DNAJC3: variants seen among roughly 807,000 people sequenced by gnomAD.
DNAJC3 encodes the protein DnaJ heat shock protein family (Hsp40) member C3.
Under a neutral mutation model 68.6 loss-of-function variants are expected in DNAJC3, and 38 were observed. The ratio of observed to expected loss-of-function variants is 0.55; its 90% CI spans 0.43 to 0.73. The LOEUF is 0.73. Ranked by LOEUF, DNAJC3 falls within the 30% of genes least tolerant of loss-of-function variation. The pLI is 0.00. For synonymous variants in DNAJC3, 203 were observed against 204.0 expected, an observed-to-expected ratio of 1.00 and a Z score of 0.04; for missense variants, 526 against 591.9, an observed-to-expected ratio of 0.89 and a Z score of 1.16.
At chr13:95,741,085 GGA>G (rs1174422389) in intron 4 of DNAJC3, among the ~76,000 whole-genome samples, 2 of 152,028 alleles carry the variant, frequency 1.3e-5, no homozygotes, top group Non-Finnish European at 2.9e-5. Context: ...ATCTGTTGCT[GGA>G]GAGTTATTGT....
At chr13:95,789,238 A>G (rs1372886318) in intron 11 of DNAJC3, among the ~76,000 whole-genome samples, 1 of 152,074 alleles carries the variant, frequency 6.6e-6, no homozygotes, top group African/African-American at 2.4e-5. Context: ...TTTGTTGTAC[A>G]GATTATTTCA....
chr13:95,712,134 C>G (rs1478269312), intron 2 of DNAJC3, among the ~76,000 whole-genome samples: 4 of 152,046 alleles, frequency 2.6e-5, no homozygotes, highest in Non-Finnish European at 5.9e-5. Flanking sequence ...TTCAAAGGTG[C>G]AGAAGAAATA....
intron 9 of DNAJC3, among the ~76,000 whole-genome samples, chr13:95,782,747 C>T (rs1206549259): frequency 6.6e-6 from 1 of 152,104 alleles, no homozygotes; most frequent in Non-Finnish European, 1.5e-5. Context: ...TTCATGGCAA[C>T]AAAATTCTCC....
chr13:95,721,278 A>G (rs1445420601), intron 2 of DNAJC3, among the ~76,000 whole-genome samples: 1 of 152,176 alleles, frequency 6.6e-6, no homozygotes, highest in Non-Finnish European at 1.5e-5. Flanking sequence ...TGCTGTATGT[A>G]TGGTATATCC....
At chr13:95,691,939 C>T (rs1309089246) in intron 1 of DNAJC3, among the ~76,000 whole-genome samples, 3 of 152,222 alleles carry the variant, frequency 2.0e-5, no homozygotes, top group Admixed American at 6.5e-5. Flanking sequence ...CCTGCAATCG[C>T]AGGCACTGGG....
intron 1 of DNAJC3, among the ~76,000 whole-genome samples, chr13:95,682,968 A>G (rs2139596736): frequency 6.6e-6 from 1 of 152,354 alleles, no homozygotes; most frequent in South Asian, 2.1e-4. Context: ...CAAAGAAGAA[A>G]AGACAGCTCC....
At chr13:95,734,661 AT>A (rs1401652406) in intron 4 of DNAJC3, among the ~76,000 whole-genome samples, 1 of 151,970 alleles carries the variant, frequency 6.6e-6, no homozygotes, top group Non-Finnish European at 1.5e-5. Flanking sequence ...AAATTCAAAT[AT>A]TTGGTTACTT....
At chr13:95,779,659 T>A (rs1437752950) in intron 9 of DNAJC3, among the ~76,000 whole-genome samples, 1 of 152,198 alleles carries the variant, frequency 6.6e-6, no homozygotes, top group Non-Finnish European at 1.5e-5. Context: ...TGAGTCCTGA[T>A]TGCTCACATT....
intron 4 of DNAJC3, among the ~76,000 whole-genome samples, chr13:95,746,870 C>T (rs539831846): frequency 5.9e-5 from 9 of 152,256 alleles, no homozygotes; most frequent in African/African-American, 2.2e-4. Context: ...ATACTGATTA[C>T]TCAGCTGGGG....
rs1468804653 is a variant in DNAJC3, at chr13:95,751,061, C to T, written c.394-6583C>T. 2.6e-5 allele frequency among the ~76,000 whole-genome samples: 4 copies of T among 152,176 alleles called. No individual in the cohort carries two copies. The East Asian group carries it at 7.8e-4, about 30-fold the overall frequency. On this transcript the variant is annotated intron_variant, in intron 4 of 11. Coordinates refer to ENST00000602402, the MANE Select transcript of DNAJC3 (RefSeq NM_006260.5). ...ACCAACCTAGGCAACATAGTGAGGCCATGTCTCTACAGAAAATAAAATAAT... is the reference window on the plus strand; with the variant it reads ...ACCAACCTAGGCAACATAGTGAGGCTATGTCTCTACAGAAAATAAAATAAT...
intron 9 of DNAJC3, among the ~76,000 whole-genome samples, chr13:95,764,367 C>A (rs1257679830): frequency 2.1e-4 from 30 of 140,282 alleles, no homozygotes; most frequent in African/African-American, 7.2e-4. Flanking sequence ...CTCTCTCTCT[C>A]TCTCTCTCTA....
At chr13:95,765,169 A>G (rs1882957023) in intron 9 of DNAJC3, among the ~76,000 whole-genome samples, 1 of 152,108 alleles carries the variant, frequency 6.6e-6, no homozygotes. Context: ...ATGACACTTT[A>G]ATATTTATAA....
At chr13:95,745,041 CACTT>C (rs1882260673) in intron 4 of DNAJC3, 1 of 152,162 alleles carries the variant, frequency 6.6e-6, no homozygotes, top group African/African-American at 2.4e-5. Flanking sequence ...TGCCCAGAGA[CACTT>C]ACTGGGGCTC....
rs372738239 is a variant in DNAJC3, at chr13:95,757,788, A to G, written c.538A>G (p.Ile180Val). 5.2e-6 allele frequency: 8 copies of G among 1,537,082 alleles called. No individual in the cohort carries two copies. In the African/African-American group the frequency reaches 1.1e-4, roughly 21 times the overall value. Residue 180 changes from isoleucine (I) to valine (V), a missense_variant, in exon 5 of 12, where the codon ATT becomes GTT. Transcript: ENST00000602402. ...YTAAIAFLDK[I>V]LEVCVWDAEL... ...TGCTGCTATAGCCTTCCTTGATAAG[A>G]TTTTAGAGGTAAGTTTCTTAGATAC...
rs891077218 is a variant in DNAJC3 at position 95,757,669 on chromosome 13, A to G, written c.419A>G (p.Glu140Gly). The G allele has an allele frequency of 2.5e-6, 4 of 1,570,588 alleles. No individual in the cohort carries two copies. The highest frequency in any genetic ancestry group is 3.5e-6 in the Non-Finnish European group (4 of 1,147,008). Reference sequence around the variant, plus strand: ...CTCAAATCTAATCCAAGTGAAAATGAAGAAAAGGAAGCACAGTCTCAACTT... The same window carrying G: ...CTCAAATCTAATCCAAGTGAAAATGGAGAAAAGGAAGCACAGTCTCAACTT... ...KVLKSNPSEN[E>G]EKEAQSQLIK... is the part of the protein sequence containing the mutation. Residue 140 changes from glutamate to glycine, a missense_variant, in exon 5 of 12, where the codon GAA (glutamate) becomes GGA (glycine). Coordinates refer to ENST00000602402, the MANE Select transcript of DNAJC3 (RefSeq NM_006260.5).
chr13:95,760,181 A>G lies in DNAJC3; in HGVS notation c.688A>G (p.Thr230Ala). 6.2e-7 allele frequency: 1 copy of G among 1,610,854 alleles called. No individual in the cohort carries two copies. The highest frequency in any genetic ancestry group is 8.5e-7 in the Non-Finnish European group (1 of 1,178,238). The change falls in exon 6 of 12, where the codon ACA becomes GCA. Residue 230 changes from threonine to alanine, a missense_variant. Transcript: ENST00000602402. The part of the protein sequence containing the change: ...DNTEAFYKIS[T>A]LYYQLGDHEL... ...TACTGAAGCGTTTTATAAAATAAGC[A>G]CACTGTACTACCAACTAGGAGACCA... is the stretch of plus-strand genomic sequence containing the variant.
chr13:95,696,544 G>T (rs79781191), intron 1 of DNAJC3, among the ~76,000 whole-genome samples: 246 of 152,252 alleles, frequency 1.6e-3, no homozygotes, highest in African/African-American at 5.5e-3. Flanking sequence ...ACTCACCATT[G>T]TGGAAGGCCT....
chr13:95,748,554 G>A (rs1434219411), intron 4 of DNAJC3, among the ~76,000 whole-genome samples: 1 of 152,112 alleles, frequency 6.6e-6, no homozygotes, highest in Admixed American at 6.5e-5. Context: ...GGTGGCTCAC[G>A]CCTGTAATCC....
chr13:95,710,916 T>C (rs992197554), intron 2 of DNAJC3, among the ~76,000 whole-genome samples: 1 of 152,080 alleles, frequency 6.6e-6, no homozygotes, highest in African/African-American at 2.4e-5. Context: ...TCTCAAACTC[T>C]TGTTCTCAAG....
Sources: gnomAD v4.1 joint callset for allele counts (sites outside exome capture counted in the v4.1 genomes callset) on GRCh38, gnomAD v4.1.1 for gene constraint, MANE v1.5 for transcripts, NCBI Gene and HGNC (gene_info 2026-07-23, HGNC 2026-07-21) for gene names.